TSC22D1: variants seen among roughly 807,000 people sequenced by gnomAD.
TSC22D1 encodes the protein TSC22 domain family protein 1.
In TSC22D1, 9 loss-of-function variants were observed where a neutral mutation model predicts 74.2. The ratio of observed to expected loss-of-function variants is 0.12; its 90% confidence interval spans 0.07 to 0.21. The LOEUF (loss-of-function observed/expected upper bound fraction) is 0.21, where lower values mean the gene tolerates loss of function less well. Ranked by LOEUF, TSC22D1 falls within the 10% of genes least tolerant of loss-of-function variation. The pLI, the probability that TSC22D1 is intolerant of heterozygous loss-of-function variation, is 1.00. For missense variants in TSC22D1, 1,427 were observed against 1,304.7 expected, an observed-to-expected ratio of 1.09 and a Z score of -1.44; for synonymous variants, 586 against 492.5, an observed-to-expected ratio of 1.19 and a Z score of -2.51.
intron 1 of TSC22D1, among the ~76,000 whole-genome samples, chr13:44,549,037 G>C (rs1280576437): frequency 6.6e-6 from 1 of 152,086 alleles, no homozygotes; most frequent in African/African-American, 2.4e-5. Flanking sequence ...TAAAGACCCA[G>C]AGAAACAGTC....
At position 44,574,163 on chromosome 13, in the gene TSC22D1, T is replaced by C. The variant is rs1294249536; in HGVS notation, c.1912A>G (p.Thr638Ala). 1.3e-5 allele frequency: 21 copies of C among 1,614,180 alleles called. No individual in the cohort carries two copies. The highest frequency in any genetic ancestry group is 1.7e-5 in the Non-Finnish European group (20 of 1,180,062). The change falls in exon 1 of 3, where the codon ACA (threonine) becomes GCA (alanine). Residue 638 changes from threonine (T) to alanine (A), a missense_variant. Physicochemically the swap from Thr to Ala is moderately conservative, Grantham distance 58. Around this residue, in one of 3 missense-constraint regions of TSC22D1, gnomAD observed 1,343 missense variants for 1,191.5 expected, o/e 1.13. Coordinates refer to ENST00000458659, the MANE Select transcript of TSC22D1 (RefSeq NM_183422.4). ...QYGQQQPMVS[T>A]QMAPGHVKSV... The stretch of plus-strand genomic sequence containing the variant: ...TTGACATGGCCTGGGGCCATCTGTG[T>C]AGAAACCATTGGTTGCTGTTGTCCA...
intron 1 of TSC22D1, among the ~76,000 whole-genome samples, chr13:44,504,591 G>A: frequency 7.4e-6 from 1 of 135,106 alleles, no homozygotes. Context: ...GTGACAGAGG[G>A]AGACTGTCTC....
At position 44,575,780 on chromosome 13, in the gene TSC22D1, C is replaced by G; in HGVS notation, c.295G>C (p.Ala99Pro). 6.2e-7 allele frequency: 1 copy of G among 1,614,176 alleles called. No homozygotes were observed. The highest frequency in any genetic ancestry group is 8.5e-7 in the Non-Finnish European group (1 of 1,180,026). ...TTTTTCATTTGAGTTCCGCCTGGCG[C>G]AAGAGGCTGTGCCTGCAGCTGAGCC... ...SQAQLQAQPL[A>P]PGGTQMKKKS... Residue 99 changes from alanine to proline, a missense_variant, in exon 1 of 3, where the codon GCG becomes CCG. By Grantham distance (27) the Ala-to-Pro change is conservative. Coordinates refer to ENST00000458659, the MANE Select transcript of TSC22D1 (RefSeq NM_183422.4).
intron 1 of TSC22D1, among the ~76,000 whole-genome samples, chr13:44,494,892 C>T (rs552965211): frequency 2.6e-5 from 4 of 151,982 alleles, no homozygotes; most frequent in Non-Finnish European, 5.9e-5. Flanking sequence ...TCAACAAATA[C>T]AGAATATCAG....
rs1411495616 is a variant in TSC22D1, at chr13:44,575,090, T to G, written c.985A>C (p.Thr329Pro). Residue 329 changes from threonine to proline, a missense_variant, in exon 1 of 3, where the codon ACA becomes CCA. This residue lies in a region of TSC22D1 where 1,343 missense variants were observed against 1,191.5 expected (regional missense o/e 1.13). Coordinates refer to ENST00000458659, the MANE Select transcript of TSC22D1 (RefSeq NM_183422.4). ...TAVGSFNPNV[T>P]SSMLGNVNIS... ...TTAACATTACCAAGCATGCTGCTTGTCACATTAGGATTAAAACTACCCACA... is the reference window on the plus strand; with the variant it reads ...TTAACATTACCAAGCATGCTGCTTGGCACATTAGGATTAAAACTACCCACA... 2 of 1,614,086 alleles carry G rather than the reference T, an allele frequency of 1.2e-6. No individual in the cohort carries two copies. Among genetic ancestry groups the G allele is most frequent in the African/African-American group, 2.7e-5 (2 of 74,938 alleles).
rs1874222429 is a variant in TSC22D1, at chr13:44,433,414, T to C, written c.*1212A>G. On this transcript the variant is annotated 3_prime_UTR_variant, in exon 3 of 3. Transcript: ENST00000458659. ...TCAAATCACGCCCCTACTTTTCCAA[T>C]CATTCCACTGCCCTTCAGGATTTTA... 1 of 152,414 alleles carries C rather than the reference T, an allele frequency of 6.6e-6. No individual in the cohort carries two copies. The highest frequency in any genetic ancestry group is 1.5e-5 in the Non-Finnish European group (1 of 68,194). 9.4% of individuals were successfully genotyped at this position (152,414 alleles called of 1,614,324 possible).
At chr13:44,460,481 G>C (rs939343350) in intron 1 of TSC22D1, among the ~76,000 whole-genome samples, 1 of 152,104 alleles carries the variant, frequency 6.6e-6, no homozygotes, top group Non-Finnish European at 1.5e-5. Context: ...ATGACATGAT[G>C]AATTAGTTCA....
rs575570934 is a variant in TSC22D1, at chr13:44,573,863, T to C, written c.2212A>G (p.Ile738Val). ...GAGGGCTGCTGCACTGCAGTAGGTA[T>C]GTTTGCTTGCTGACCAATATTTGCA... Reference protein sequence around the residue: ...QIANIGQQANIPTAVQQPSTQ... With the variant: ...QIANIGQQANVPTAVQQPSTQ... The change falls in exon 1 of 3, where the codon ATA (isoleucine) becomes GTA (valine). Residue 738 changes from isoleucine (I) to valine (V), a missense_variant. By Grantham distance (29) the Ile-to-Val change is conservative. Transcript: ENST00000458659. 5.0e-6 allele frequency: 8 copies of C among 1,614,196 alleles called. No individual in the cohort carries two copies. Among genetic ancestry groups the C allele is most frequent in the South Asian group, 3.3e-5 (3 of 91,090 alleles).
chr13:44,436,586 C>G, intron 1 of TSC22D1: 1 of 1,614,136 alleles, frequency 6.2e-7, no homozygotes, highest in Non-Finnish European at 8.5e-7. Context: ...AGTTGGTAAA[C>G]TCCTAGATCC....
intron 1 of TSC22D1, among the ~76,000 whole-genome samples, chr13:44,458,650 C>A (rs1357789142): frequency 6.6e-6 from 1 of 152,180 alleles, no homozygotes; most frequent in Non-Finnish European, 1.5e-5. Flanking sequence ...ACCCAGGAAG[C>A]CCCACTTCCC....
At position 44,436,713 on chromosome 13, in the gene TSC22D1, C is replaced by T. The variant is rs531800868; in HGVS notation, c.2913-618G>A. On this transcript the variant is annotated intron_variant, in intron 1 of 2. Transcript: ENST00000458659. Reference sequence around the variant, plus strand: ...AAGCTAGATAAAATCTTCTGGCTTTCCGCAGCCCAGGGAGAAACAGAAAAC... The same window carrying T: ...AAGCTAGATAAAATCTTCTGGCTTTTCGCAGCCCAGGGAGAAACAGAAAAC... 2.4e-4 allele frequency: 371 copies of T among 1,519,842 alleles called. 1 individual carries two copies. Among genetic ancestry groups the T allele is most frequent in the Non-Finnish European group, 3.1e-4 (356 of 1,138,532 alleles). 94.1% of individuals were successfully genotyped at this position (1,519,842 alleles called of 1,614,324 possible).
intron 1 of TSC22D1, chr13:44,437,092 G>A (rs1874758921): frequency 2.0e-6 from 2 of 976,544 alleles, no homozygotes; most frequent in South Asian, 9.5e-5. Context: ...TTTCCACGGC[G>A]GCCTCAAAAC....
chr13:44,525,442 A>G (rs1240907662), intron 1 of TSC22D1, among the ~76,000 whole-genome samples: 4 of 152,142 alleles, frequency 2.6e-5, no homozygotes, highest in African/African-American at 9.7e-5. Context: ...AAGATAAATT[A>G]GCCAAGCATG....
At chr13:44,520,606 T>TA (rs1156602886) in intron 1 of TSC22D1, among the ~76,000 whole-genome samples, 2 of 152,190 alleles carry the variant, frequency 1.3e-5, no homozygotes, top group Admixed American at 1.3e-4. Context: ...AGGAAAAAGT[T>TA]AAATATGAGA....
At chr13:44,447,422 T>A (rs1020671192) in intron 1 of TSC22D1, among the ~76,000 whole-genome samples, 4 of 152,250 alleles carry the variant, frequency 2.6e-5, no homozygotes, top group Non-Finnish European at 5.9e-5. Flanking sequence ...CTAATTGTTC[T>A]ATCATTATAT....
At position 44,540,124 on chromosome 13, in the gene TSC22D1, G is replaced by A. The variant is rs1429334827; in HGVS notation, c.2912+33039C>T. 1.4e-5 allele frequency: 5 copies of A among 365,656 alleles called. No individual in the cohort carries two copies. The East Asian group carries it at 3.6e-4, about 27-fold the overall frequency. 22.7% of individuals were successfully genotyped at this position (365,656 alleles called of 1,614,324 possible). On this transcript the variant is annotated intron_variant, in intron 1 of 2. Transcript: ENST00000458659. ...TAATTCCTCAGTAACTATTAAGAAG[G>A]GACCTGTATTGGTCTAAGCCATAAC...
intron 1 of TSC22D1, among the ~76,000 whole-genome samples, chr13:44,527,861 ATATGC>A (rs1240980236): frequency 6.6e-6 from 1 of 152,122 alleles, no homozygotes; most frequent in Non-Finnish European, 1.5e-5. Context: ...ATAGGGACAG[ATATGC>A]TATGCTAACA....
At chr13:44,551,313 GTGT>G (rs1882230125) in intron 1 of TSC22D1, among the ~76,000 whole-genome samples, 5 of 139,014 alleles carry the variant, frequency 3.6e-5, no homozygotes, top group African/African-American at 1.5e-4. Context: ...AGCTGGGGGT[GTGT>G]GTGTGTGTGT....
intron 1 of TSC22D1, among the ~76,000 whole-genome samples, chr13:44,507,330 G>C (rs539334155): frequency 6.6e-6 from 1 of 152,238 alleles, no homozygotes; most frequent in African/African-American, 2.4e-5. Context: ...AATGAGGAAG[G>C]CTCAAAAAGG....
Sources: gnomAD v4.1 joint callset for allele counts (sites outside exome capture counted in the v4.1 genomes callset) on GRCh38, gnomAD v4.1.1 for gene constraint, gnomAD v4.1.1 regional missense constraint, MANE v1.5 for transcripts, NCBI Gene and HGNC (gene_info 2026-07-23, HGNC 2026-07-21) for gene names.